SCAPER: variants seen among roughly 807,000 people sequenced by gnomAD.
SCAPER encodes the protein S phase cyclin A-associated protein in the endoplasmic reticulum.
Under a neutral mutation model 182.2 loss-of-function variants are expected in SCAPER, and 98 were observed. The observed-to-expected ratio is 0.54, with a 90% confidence interval of 0.46 to 0.64. The LOEUF (loss-of-function observed/expected upper bound fraction) is 0.64. SCAPER is among the 30% of genes least tolerant of loss of function. The pLI, the probability that SCAPER is intolerant of heterozygous loss-of-function variation, is 0.00. For missense variants in SCAPER, 1,432 were observed against 1,690.0 expected (o/e 0.85, Z 2.68); for synonymous variants, 605 against 564.6 (o/e 1.07, Z -1.01).
chr15:76,438,556 G>T (rs562789832), intron 25 of SCAPER, among the ~76,000 whole-genome samples: 3 of 152,170 alleles, frequency 2.0e-5, no homozygotes, highest in South Asian at 4.1e-4. Context: ...CATTTTGTCA[G>T]TTGCTCATAA....
intron 24 of SCAPER, among the ~76,000 whole-genome samples, chr15:76,497,776 A>T (rs1346491193): frequency 6.6e-6 from 1 of 151,940 alleles, no homozygotes; most frequent in Non-Finnish European, 1.5e-5. Flanking sequence ...GTGGATCATG[A>T]GGTCACGAGA....
intron 14 of SCAPER, among the ~76,000 whole-genome samples, chr15:76,756,681 C>A (rs1409794558): frequency 6.6e-6 from 1 of 152,070 alleles, no homozygotes; most frequent in East Asian, 1.9e-4. Context: ...ATTTTTCTGT[C>A]ATTTATAATA....
At position 76,381,593 on chromosome 15, in the gene SCAPER, T is replaced by A; in HGVS notation, c.3490A>T (p.Asn1164Tyr). ...TGRSYSIFDNNRQDPTGLTAA... is the reference protein window; with the variant it reads ...TGRSYSIFDNYRQDPTGLTAA... ...GTCAGCCCTGTGGGATCCTGGCGAT[T>A]ATTGTCAAATATGCTGTATGACCTG... is the stretch of plus-strand genomic sequence containing the variant. Residue 1164 changes from asparagine (N) to tyrosine (Y), a missense_variant, in exon 28 of 32, where the codon AAT becomes TAT. Physicochemically the swap from Asn to Tyr is moderately radical, Grantham distance 143 (BLOSUM62 -2). Coordinates refer to ENST00000563290, the MANE Select transcript of SCAPER (RefSeq NM_020843.4). 1 of 1,597,052 alleles carries A rather than the reference T, an allele frequency of 6.3e-7. No individual in the cohort carries two copies. Among genetic ancestry groups the A allele is most frequent in the Admixed American group, 1.7e-5 (1 of 57,158 alleles).
intron 19 of SCAPER, among the ~76,000 whole-genome samples, chr15:76,702,197 G>A (rs2058994447): frequency 6.6e-6 from 1 of 151,842 alleles, no homozygotes; most frequent in Non-Finnish European, 1.5e-5. Flanking sequence ...ACATGTTACA[G>A]CCAGCCTAAG....
intron 23 of SCAPER, among the ~76,000 whole-genome samples, chr15:76,533,927 T>C (rs1239829320): frequency 6.6e-6 from 1 of 152,238 alleles, no homozygotes; most frequent in African/African-American, 2.4e-5. Context: ...ACCAAATTAG[T>C]AAAATTACCA....
chr15:76,675,805 G>T (rs1306730469), intron 20 of SCAPER, among the ~76,000 whole-genome samples: 1 of 151,796 alleles, frequency 6.6e-6, no homozygotes, highest in Non-Finnish European at 1.5e-5. Context: ...ATCCTCAGGG[G>T]TGGGTAGTCC....
intron 24 of SCAPER, among the ~76,000 whole-genome samples, chr15:76,484,892 G>C (rs1242198697): frequency 7.2e-6 from 1 of 139,296 alleles, no homozygotes; most frequent in East Asian, 2.0e-4. Flanking sequence ...ACTAGGTATT[G>C]AAGAAACATA....
chr15:76,772,045 CTAT>C (rs1012518160), intron 9 of SCAPER, 91 bp from the exon 10 acceptor site: 7 of 806,410 alleles, frequency 8.7e-6, no homozygotes, highest in Non-Finnish European at 1.2e-5. Context: ...AACCTATTAA[CTAT>C]GAAGAAGAAG....
chr15:76,796,550 T>C (rs1380173279), intron 7 of SCAPER, among the ~76,000 whole-genome samples: 3 of 152,230 alleles, frequency 2.0e-5, no homozygotes, highest in South Asian at 4.1e-4. Flanking sequence ...ATACAAAATG[T>C]AGTCTATGAG....
At chr15:76,720,364 T>C (rs1395036148) in intron 17 of SCAPER, among the ~76,000 whole-genome samples, 7 of 152,126 alleles carry the variant, frequency 4.6e-5, no homozygotes, top group African/African-American at 1.2e-4. Context: ...GTCTTTGCTA[T>C]TGTGGATAGT....
At position 76,586,600 on chromosome 15, in the gene SCAPER, A is replaced by G. The variant is rs188989243; in HGVS notation, c.2712-12316T>C. The G allele has an allele frequency of 2.0e-5, 3 of 153,216 alleles. No homozygotes were observed. The East Asian group carries it at 5.8e-4, about 30-fold the overall frequency. The allele number at this position is 153,216 out of a possible 1,614,324, so 9.5% of individuals were successfully genotyped here. On this transcript the variant is annotated intron_variant, in intron 22 of 31. Transcript: ENST00000563290. The stretch of plus-strand genomic sequence containing the variant: ...TGTATATACATATGCATACATATAT[A>G]TGTGTGTATAAATGTGTGTGTGTAT...
At chr15:76,726,686 C>T (rs1464622256) in intron 17 of SCAPER, among the ~76,000 whole-genome samples, 2 of 152,012 alleles carry the variant, frequency 1.3e-5, no homozygotes, top group East Asian at 1.9e-4. Context: ...AAAATCCTGA[C>T]ACATGCTACA....
intron 17 of SCAPER, among the ~76,000 whole-genome samples, chr15:76,709,234 C>G (rs1184041802): frequency 6.6e-6 from 1 of 152,106 alleles, no homozygotes; most frequent in African/African-American, 2.4e-5. Context: ...AGGGTTCAAG[C>G]GATTCTCCTG....
intron 23 of SCAPER, among the ~76,000 whole-genome samples, chr15:76,511,663 C>T (rs1197831232): frequency 6.6e-6 from 1 of 151,972 alleles, no homozygotes; most frequent in African/African-American, 2.4e-5. Flanking sequence ...GAAGGATGAT[C>T]CTCTAGTTTT....
rs200805095 is a variant in SCAPER at position 76,351,277 on chromosome 15, C to G, written c.4059G>C (p.Gln1353His). Residue 1353 changes from glutamine to histidine, a missense_variant, in exon 31 of 32, where the codon CAG becomes CAC. Physicochemically the swap from Gln to His is conservative, Grantham distance 24. This residue lies in a region of SCAPER where 718 missense variants were observed against 799.7 expected (regional missense o/e 0.90). Coordinates refer to ENST00000563290, the MANE Select transcript of SCAPER (RefSeq NM_020843.4). ...GCTGGTTTTCCGCTTGACCTGGAGT[C>G]TGTGCCAAATCCTGTATGAGGAGAG... ...LLATFIQDLA[Q>H]TPGQAENQPY... 8.4e-5 allele frequency: 136 copies of G among 1,609,816 alleles called. No homozygotes were observed. Among genetic ancestry groups the G allele is most frequent in the Non-Finnish European group, 1.1e-4 (133 of 1,178,008 alleles).
chr15:76,841,375 A>G (rs2069460290), intron 5 of SCAPER, among the ~76,000 whole-genome samples: 2 of 152,308 alleles, frequency 1.3e-5, no homozygotes, highest in South Asian at 4.1e-4. Context: ...GGCCAGGCAC[A>G]GTGGCTCATG....
chr15:76,513,114 T>C (rs2042172699), intron 23 of SCAPER, among the ~76,000 whole-genome samples: 1 of 152,086 alleles, frequency 6.6e-6, no homozygotes, highest in African/African-American at 2.4e-5. Flanking sequence ...GGCCCCATTC[T>C]CTCTTGTCTG....
chr15:76,419,381 T>C (rs140407523), intron 26 of SCAPER, among the ~76,000 whole-genome samples: 1 of 149,286 alleles, frequency 6.7e-6, no homozygotes. Context: ...GATCTTGAAG[T>C]TATCACTGCT....
At chr15:76,846,123 T>C (rs565975385) in intron 4 of SCAPER, among the ~76,000 whole-genome samples, 10 of 152,270 alleles carry the variant, frequency 6.6e-5, no homozygotes, top group African/African-American at 2.4e-4. Flanking sequence ...TAAATGGTGC[T>C]GGGAAAACCG....
Sources: gnomAD v4.1 joint callset for allele counts (sites outside exome capture counted in the v4.1 genomes callset) on GRCh38, gnomAD v4.1.1 for gene constraint, gnomAD v4.1.1 regional missense constraint, MANE v1.5 for transcripts, NCBI Gene and HGNC (gene_info 2026-07-23, HGNC 2026-07-21) for gene names.